FRMD3: variants seen among roughly 807,000 people sequenced by gnomAD.
The protein encoded by FRMD3 is FERM domain containing 3.
Under a neutral mutation model 70.2 loss-of-function variants are expected in FRMD3, and 33 were observed. The ratio of observed to expected loss-of-function variants is 0.47; its 90% CI spans 0.36 to 0.63. The LOEUF is 0.63. Ranked by LOEUF, FRMD3 falls within the 20% of genes least tolerant of loss-of-function variation. The pLI, the probability that FRMD3 is intolerant of heterozygous loss-of-function variation, is 0.00. For synonymous variants in FRMD3, 279 were observed against 255.9 expected (o/e 1.09, Z -0.86); for missense variants, 632 against 711.4 (o/e 0.89, Z 1.27).
chr9:83,441,638 T>C (rs866368492), intron 1 of FRMD3, among the ~76,000 whole-genome samples: 1 of 152,244 alleles, frequency 6.6e-6, no homozygotes, highest in East Asian at 1.9e-4. Flanking sequence ...CTAGAAAACA[T>C]CTGTTTCCTA....
At chr9:83,326,053 A>G (rs1200164944) in intron 6 of FRMD3, among the ~76,000 whole-genome samples, 1 of 152,210 alleles carries the variant, frequency 6.6e-6, no homozygotes, top group African/African-American at 2.4e-5. Flanking sequence ...TTGACCGGGT[A>G]TAAAAAATGG....
At chr9:83,528,627 T>G (rs774317915) in intron 1 of FRMD3, among the ~76,000 whole-genome samples, 6 of 152,088 alleles carry the variant, frequency 3.9e-5, no homozygotes, top group South Asian at 2.1e-4. Flanking sequence ...TCTCCCTAGC[T>G]TAAGCAATCC....
At chr9:83,342,387 A>G (rs1433495072) in intron 5 of FRMD3, among the ~76,000 whole-genome samples, 2 of 152,156 alleles carry the variant, frequency 1.3e-5, no homozygotes, top group East Asian at 1.9e-4. Context: ...GGCCTGCGCT[A>G]CCCCTGGCCT....
chr9:83,358,208 C>G (rs1163686519), intron 3 of FRMD3, among the ~76,000 whole-genome samples: 1 of 152,216 alleles, frequency 6.6e-6, no homozygotes, highest in Admixed American at 6.5e-5. Flanking sequence ...CCCCACTTTA[C>G]GTTTTTGTTT....
intron 6 of FRMD3, among the ~76,000 whole-genome samples, chr9:83,328,164 C>T (rs538259646): frequency 2.8e-4 from 41 of 147,926 alleles, no homozygotes; most frequent in Non-Finnish European, 5.2e-4. Context: ...TTTCTCAGAA[C>T]TCTGTTTCCT....
At chr9:83,557,950 T>C in the FRMD3 span, among the ~76,000 whole-genome samples, 5 of 152,224 alleles carry the variant, frequency 3.3e-5, no homozygotes, top group African/African-American at 1.2e-4. Flanking sequence ...GCACATTGAA[T>C]GATGAAACTA....
At chr9:83,441,501 A>T (rs771536810) in intron 1 of FRMD3, among the ~76,000 whole-genome samples, 1 of 152,186 alleles carries the variant, frequency 6.6e-6, no homozygotes, top group Non-Finnish European at 1.5e-5. Context: ...TACACAAAAG[A>T]GTCTCTACAG....
rs112536723 is a variant in FRMD3, at chr9:83,359,855, G to A, written c.296-10098C>T. ...AGAGACCACAATGAGGATGACATGA[G>A]TTCATGACTGCAAAGCACTTCGCAG... On this transcript the variant is annotated intron_variant, in intron 3 of 13. Coordinates refer to ENST00000304195, the MANE Select transcript of FRMD3 (RefSeq NM_174938.6). Among the ~76,000 whole-genome samples the A allele has an allele frequency of 3.3e-4, 50 of 152,288 alleles. 1 individual carries two copies. The highest frequency in any genetic ancestry group is 1.1e-3 in the African/African-American group (47 of 41,550).
chr9:83,270,608 C>A (rs2118798643), intron 13 of FRMD3, among the ~76,000 whole-genome samples: 1 of 152,346 alleles, frequency 6.6e-6, no homozygotes, highest in African/African-American at 2.4e-5. Context: ...AGATTTAAAG[C>A]ACAGACTTTG....
intron 1 of FRMD3, among the ~76,000 whole-genome samples, chr9:83,462,415 C>T (rs1828001852): frequency 6.6e-6 from 1 of 152,150 alleles, no homozygotes; most frequent in African/African-American, 2.4e-5. Context: ...CTAAGATGCC[C>T]ATTTTCCCAG....
intron 1 of FRMD3, among the ~76,000 whole-genome samples, chr9:83,500,410 T>C (rs1829036380): frequency 1.3e-5 from 2 of 152,010 alleles, no homozygotes; most frequent in Admixed American, 6.6e-5. Flanking sequence ...AAACATATGG[T>C]ATTAATTTTT....
At chr9:83,562,745 T>C in the FRMD3 span, among the ~76,000 whole-genome samples, 1 of 152,114 alleles carries the variant, frequency 6.6e-6, no homozygotes, top group Non-Finnish European at 1.5e-5. Flanking sequence ...TGACAAGATA[T>C]CAATGTTAAA....
chr9:83,345,762 A>G (rs1823936777), intron 4 of FRMD3, among the ~76,000 whole-genome samples: 1 of 151,914 alleles, frequency 6.6e-6, no homozygotes, highest in African/African-American at 2.4e-5. Context: ...ATCTCAAAAA[A>G]TAAATAAAAA....
At chr9:83,353,113 A>C (rs1824216669) in intron 3 of FRMD3, among the ~76,000 whole-genome samples, 1 of 152,070 alleles carries the variant, frequency 6.6e-6, no homozygotes, top group Non-Finnish European at 1.5e-5. Flanking sequence ...TTTTTCTCTC[A>C]TATCTAGCCA....
the FRMD3 span, among the ~76,000 whole-genome samples, chr9:83,552,252 GTTGT>G: frequency 6.6e-6 from 1 of 152,142 alleles, no homozygotes; most frequent in Non-Finnish European, 1.5e-5. Context: ...TCAGGGGCTT[GTTGT>G]TTAATTTCCA....
chr9:83,410,203 G>T (rs112258006), intron 1 of FRMD3, among the ~76,000 whole-genome samples: 2,544 of 152,216 alleles, frequency 0.017, 25 homozygotes, highest in Non-Finnish European at 0.023. Context: ...TGTTACCCGG[G>T]AATACCGCAT....
At chr9:83,419,154 G>A (rs189325605) in intron 1 of FRMD3, among the ~76,000 whole-genome samples, 2 of 152,078 alleles carry the variant, frequency 1.3e-5, no homozygotes, top group Admixed American at 1.3e-4. Flanking sequence ...GTAGGAGGGG[G>A]GCCAGGGGTT....
chr9:83,504,506 A>T (rs1191346273), intron 1 of FRMD3, among the ~76,000 whole-genome samples: 1 of 151,644 alleles, frequency 6.6e-6, no homozygotes, highest in Non-Finnish European at 1.5e-5. Context: ...CCTCCCTCAC[A>T]TTCCTCACAC....
chr9:83,431,670 A>G (rs2131376729), intron 1 of FRMD3, among the ~76,000 whole-genome samples: 1 of 152,296 alleles, frequency 6.6e-6, no homozygotes, highest in East Asian at 1.9e-4. Context: ...CAAAAGTGTC[A>G]CTTGTCCTTC....
Sources: allele counts gnomAD v4.1 joint callset (sites outside exome capture counted in the v4.1 genomes callset), GRCh38; gene constraint gnomAD v4.1.1; transcripts MANE v1.5; gene names NCBI Gene and HGNC (gene_info 2026-07-23, HGNC 2026-07-21).